Variants in TAB2 observed in about 807,000 individuals in gnomAD.
TAB2 encodes the protein TGF-beta-activated kinase 1 and MAP3K7-binding protein 2.
In TAB2, 3 loss-of-function variants were observed where a neutral mutation model predicts 65.0. The ratio of observed to expected loss-of-function variants is 0.05; its 90% CI spans 0.02 to 0.12. The LOEUF is 0.12. Ranked by LOEUF, TAB2 falls within the 10% of genes least tolerant of loss-of-function variation. The pLI, the probability that TAB2 is intolerant of heterozygous loss-of-function variation, is 1.00. For missense variants in TAB2, 623 were observed against 840.3 expected (o/e 0.74, Z 3.20); for synonymous variants, 298 against 285.1 (o/e 1.05, Z -0.46).
At chr6:149,329,555 A>T (rs1322792836) in intron 1 of TAB2, among the ~76,000 whole-genome samples, 1 of 152,022 alleles carries the variant, frequency 6.6e-6, no homozygotes, top group Non-Finnish European at 1.5e-5. Flanking sequence ...TGATTAGATA[A>T]CATTTGAGCA....
upstream of TAB2, among the ~76,000 whole-genome samples, chr6:149,314,155 G>A (rs1779210284): frequency 6.6e-6 from 1 of 152,188 alleles, no homozygotes; most frequent in Non-Finnish European, 1.5e-5. Context: ...TAAGTTTAAA[G>A]TTAAACACAT....
At chr6:149,245,508 T>C (rs1234278780) in intron 1 of TAB2, 1 of 152,234 alleles carries the variant, frequency 6.6e-6, no homozygotes, top group Non-Finnish European at 1.5e-5. Flanking sequence ...TTAAATTGTT[T>C]CTTTAATGTA....
intron 1 of TAB2, among the ~76,000 whole-genome samples, chr6:149,289,679 T>C (rs980201453): frequency 2.6e-5 from 4 of 152,204 alleles, no homozygotes; most frequent in Admixed American, 6.5e-5. Flanking sequence ...AGTCAAACTC[T>C]GTAAAATATT....
intron 3 of TAB2, among the ~76,000 whole-genome samples, chr6:149,386,515 A>G (rs2341783): frequency 0.12 from 18,603 of 152,134 alleles, 1,742 homozygotes; most frequent in East Asian, 0.51. Context: ...ATAAATTTAC[A>G]TATTCTGGAC....
chr6:149,330,428 TAC>T (rs1779748398), intron 1 of TAB2, among the ~76,000 whole-genome samples: 1 of 152,224 alleles, frequency 6.6e-6, no homozygotes, highest in Admixed American at 6.5e-5. Context: ...GTGAGAAACC[TAC>T]AGTTTCTCTG....
chr6:149,376,637 G>A (rs1477338338), intron 2 of TAB2, among the ~76,000 whole-genome samples: 1 of 152,098 alleles, frequency 6.6e-6, no homozygotes, highest in Non-Finnish European at 1.5e-5. Flanking sequence ...TTCTTCGGTA[G>A]CCTACAATAT....
At chr6:149,226,584 C>T (rs889287068) in intron 1 of TAB2, among the ~76,000 whole-genome samples, 1 of 152,204 alleles carries the variant, frequency 6.6e-6, no homozygotes, top group Admixed American at 6.5e-5. Context: ...TTAACTGAGC[C>T]TCCTCGGGAA....
chr6:149,286,953 T>A (rs968115477), intron 1 of TAB2, among the ~76,000 whole-genome samples: 1 of 151,918 alleles, frequency 6.6e-6, no homozygotes, highest in African/African-American at 2.4e-5. Flanking sequence ...CCGTTTCTAC[T>A]AAAAAATAAA....
At chr6:149,249,237 C>T (rs1777807363) in intron 1 of TAB2, among the ~76,000 whole-genome samples, 1 of 152,104 alleles carries the variant, frequency 6.6e-6, no homozygotes, top group Non-Finnish European at 1.5e-5. Flanking sequence ...CCAGAGCTTA[C>T]AGCAGTGCCC....
chr6:149,379,596 A>G, intron 3 of TAB2, 78 bp downstream of exon 3: 1 of 1,361,394 alleles, frequency 7.3e-7, no homozygotes, highest in Middle Eastern at 1.8e-4. Context: ...ACAGAAATGG[A>G]TGTTAGCATT....
intron 6 of TAB2, among the ~76,000 whole-genome samples, chr6:149,401,597 ATAG>A (rs1294028204): frequency 2.0e-5 from 3 of 152,164 alleles, no homozygotes; most frequent in African/African-American, 4.8e-5. Flanking sequence ...ATTGACAGCA[ATAG>A]TAGGAGACTT....
intron 1 of TAB2, among the ~76,000 whole-genome samples, chr6:149,368,432 C>T (rs1052704260): frequency 1.3e-5 from 2 of 149,612 alleles, no homozygotes; most frequent in South Asian, 2.1e-4. Context: ...AAGACACTTA[C>T]GTATAAACAA....
At chr6:149,264,248 A>G (rs1400123392) in intron 1 of TAB2, among the ~76,000 whole-genome samples, 5 of 152,176 alleles carry the variant, frequency 3.3e-5, no homozygotes, top group Non-Finnish European at 1.5e-5. Context: ...GTAAAGGGGC[A>G]ATGTCTTCCC....
chr6:149,307,465 G>A (rs117869471), intron 1 of TAB2, among the ~76,000 whole-genome samples: 2,225 of 152,200 alleles, frequency 0.015, 17 homozygotes, highest in Non-Finnish European at 0.023. Flanking sequence ...CCAAGGAGCC[G>A]ATTTCACAGA....
At chr6:149,361,019 A>G (rs960982148) in intron 1 of TAB2, among the ~76,000 whole-genome samples, 8 of 152,194 alleles carry the variant, frequency 5.3e-5, no homozygotes, top group African/African-American at 1.9e-4. Flanking sequence ...CAGCCACGGC[A>G]GGTGTTCTCG....
chr6:149,390,851 A>G (rs1245755858), intron 3 of TAB2, among the ~76,000 whole-genome samples: 1 of 152,144 alleles, frequency 6.6e-6, no homozygotes, highest in Non-Finnish European at 1.5e-5. Context: ...TGCAAAGCCC[A>G]GTCATTTATC....
intron 1 of TAB2, among the ~76,000 whole-genome samples, chr6:149,366,190 G>T (rs1306483729): frequency 6.6e-6 from 1 of 152,108 alleles, no homozygotes; most frequent in Non-Finnish European, 1.5e-5. Context: ...GCCATGTAGA[G>T]ACTCTGGATT....
intron 1 of TAB2, among the ~76,000 whole-genome samples, chr6:149,335,494 A>G (rs1006041784): frequency 2.6e-5 from 4 of 151,922 alleles, no homozygotes; most frequent in African/African-American, 7.3e-5. Flanking sequence ...TAGCCTCCCA[A>G]GTACCTGGGA....
intron 1 of TAB2, among the ~76,000 whole-genome samples, chr6:149,309,385 C>T (rs574446): frequency 0.061 from 9,116 of 150,510 alleles, 913 homozygotes; most frequent in African/African-American, 0.21. Flanking sequence ...CCTCCCCACC[C>T]CAACACCAAT....
Sources: allele counts gnomAD v4.1 joint callset (sites outside exome capture counted in the v4.1 genomes callset), GRCh38; gene constraint gnomAD v4.1.1; transcripts MANE v1.5; gene names NCBI Gene and HGNC (gene_info 2026-07-23, HGNC 2026-07-21).